The following MEIS2 variants were observed in gnomAD, a reference collection of about 807,000 sequenced individuals.
The protein encoded by MEIS2 is Meis homeobox 2.
In MEIS2, 9 loss-of-function variants were observed where a neutral mutation model predicts 58.6. That is an observed-to-expected ratio of 0.15 (90% CI 0.09 to 0.27). The LOEUF is 0.27. Among genes scored for constraint, MEIS2 ranks in the 10% least tolerant of loss-of-function variants. The probability of loss-of-function intolerance (pLI) is 1.00; values close to 1 mark genes in which losing one functional copy is unlikely to be tolerated. For synonymous variants in MEIS2, 221 were observed against 228.4 expected, an observed-to-expected ratio of 0.97 and a Z score of 0.29; for missense variants, 427 against 635.0, an observed-to-expected ratio of 0.67 and a Z score of 3.52.
chr15:37,088,961 T>G (rs1893208907), intron 6 of MEIS2, among the ~76,000 whole-genome samples: 1 of 152,212 alleles, frequency 6.6e-6, no homozygotes, highest in Non-Finnish European at 1.5e-5. Context: ...ATTACAACCT[T>G]TGTTTAATTT....
At chr15:36,997,489 CTTT>C (rs11286332) in intron 8 of MEIS2, among the ~76,000 whole-genome samples, 21 of 136,298 alleles carry the variant, frequency 1.5e-4, no homozygotes, top group Non-Finnish European at 1.8e-4. Context: ...CTCTCTCTCT[CTTT>C]TTTTTTTTTT....
At chr15:37,083,997 G>A in intron 6 of MEIS2, 112 bp from the exon 7 acceptor site, 1 of 808,772 alleles carries the variant, frequency 1.2e-6, no homozygotes, top group Non-Finnish European at 2.0e-6. Flanking sequence ...ATTAGTATTT[G>A]TGGCAGTAGG....
chr15:37,099,305 C>G, intron 1 of MEIS2, 150 bp downstream of exon 1: 1 of 1,527,586 alleles, frequency 6.5e-7, no homozygotes, highest in Non-Finnish European at 8.8e-7. Flanking sequence ...GGAAAGAAGC[C>G]GATGAATAAT....
intron 8 of MEIS2, among the ~76,000 whole-genome samples, chr15:36,988,137 G>C (rs1040588494): frequency 6.6e-6 from 1 of 152,026 alleles, no homozygotes; most frequent in African/African-American, 2.4e-5. Flanking sequence ...CAAAAACAAA[G>C]CAAAAATAAG....
intron 8 of MEIS2, among the ~76,000 whole-genome samples, chr15:37,033,455 A>C (rs1418117083): frequency 1.3e-5 from 2 of 152,172 alleles, no homozygotes; most frequent in African/African-American, 2.4e-5. Context: ...TTCTTTTTTA[A>C]AAAAGAAAGA....
At chr15:36,987,178 C>A (rs1027098774) in intron 8 of MEIS2, among the ~76,000 whole-genome samples, 3 of 151,922 alleles carry the variant, frequency 2.0e-5, no homozygotes, top group Non-Finnish European at 4.4e-5. Flanking sequence ...GAGGCCAAGG[C>A]GGGTGGATCA....
rs773155931 is a variant in MEIS2, at chr15:36,950,296, G to T, written c.977+28C>A. The stretch of plus-strand genomic sequence containing the variant: ...TAGAAATCTCATTTTAGCCATGGGA[G>T]AAAGACATTGATTTTTGGGTCACTC... On this transcript the variant is annotated intron_variant, in intron 9 of 11. Transcript: ENST00000561208. The T allele has an allele frequency of 9.6e-6, 15 of 1,561,216 alleles. No individual in the cohort carries two copies. In the Admixed American group the frequency reaches 2.4e-4, roughly 25 times the overall value.
intron 8 of MEIS2, among the ~76,000 whole-genome samples, chr15:36,963,603 T>G (rs1243681536): frequency 6.6e-6 from 1 of 152,214 alleles, no homozygotes; most frequent in Non-Finnish European, 1.5e-5. Context: ...GTCTTCATCT[T>G]CTTTCCAACC....
At chr15:36,922,816 C>T (rs2057575350) in intron 9 of MEIS2, among the ~76,000 whole-genome samples, 2 of 151,684 alleles carry the variant, frequency 1.3e-5, no homozygotes, top group Admixed American at 6.6e-5. Context: ...TGGGGTTTCA[C>T]CATGTTGATC....
At chr15:37,064,425 A>G (rs1567246079) in intron 7 of MEIS2, among the ~76,000 whole-genome samples, 1 of 152,124 alleles carries the variant, frequency 6.6e-6, no homozygotes, top group South Asian at 2.1e-4. Flanking sequence ...ACAAAAAACC[A>G]TATCACTTAT....
chr15:36,932,477 CAAG>C (rs1468856582), intron 9 of MEIS2, among the ~76,000 whole-genome samples: 2 of 151,940 alleles, frequency 1.3e-5, no homozygotes, highest in Non-Finnish European at 2.9e-5. Context: ...TTTCATCCAC[CAAG>C]AAAATGAGGA....
chr15:37,044,082 C>A (rs1454560603), intron 7 of MEIS2, among the ~76,000 whole-genome samples: 1 of 152,168 alleles, frequency 6.6e-6, no homozygotes, highest in Non-Finnish European at 1.5e-5. Flanking sequence ...CTTATTTAAT[C>A]TTCACAACAA....
intron 8 of MEIS2, among the ~76,000 whole-genome samples, chr15:37,028,706 C>G (rs1036887542): frequency 6.6e-6 from 1 of 152,124 alleles, no homozygotes; most frequent in Admixed American, 6.5e-5. Context: ...GCTCTTTGGA[C>G]AGCTAGCATC....
rs1320114699 is a variant in MEIS2 at position 36,892,091 on chromosome 15, TAA to T, written c.*80_*81del. ...ATCACAGCTGTCTGGAATTTCATAT[TAA>T]GTGTCAACATCTGGTCAAAGTTCAG... On this transcript the variant is annotated 3_prime_UTR_variant, in exon 12 of 12. Coordinates refer to ENST00000561208, the MANE Select transcript of MEIS2 (RefSeq NM_170675.5). The T allele has an allele frequency of 7.1e-7, 1 of 1,407,054 alleles. No homozygotes were observed. The highest frequency in any genetic ancestry group is 9.9e-7 in the Non-Finnish European group (1 of 1,009,804). The allele number at this position is 1,407,054 out of a possible 1,614,324, so 87.2% of individuals were successfully genotyped here. A position where few individuals can be genotyped will look rare whatever the true frequency, so the allele number is the denominator to read the frequency against.
chr15:36,902,921 T>C (rs1418069032), intron 9 of MEIS2, among the ~76,000 whole-genome samples: 1 of 152,204 alleles, frequency 6.6e-6, no homozygotes. Context: ...GATAGGAGAA[T>C]GGTAGATTTC....
intron 9 of MEIS2, among the ~76,000 whole-genome samples, chr15:36,930,338 G>A (rs1054010098): frequency 6.6e-6 from 1 of 151,806 alleles, no homozygotes; most frequent in Non-Finnish European, 1.5e-5. Context: ...ATAAAAAGGA[G>A]CTGCCAAAGT....
chr15:36,960,691 C>T (rs375438922), intron 8 of MEIS2, among the ~76,000 whole-genome samples: 4 of 152,086 alleles, frequency 2.6e-5, no homozygotes, highest in Admixed American at 1.3e-4. Context: ...GACACTTAGA[C>T]GAACACCCTA....
intron 8 of MEIS2, among the ~76,000 whole-genome samples, chr15:36,975,478 T>TA (rs1379186590): frequency 6.6e-6 from 1 of 151,202 alleles, no homozygotes; most frequent in Admixed American, 6.6e-5. Flanking sequence ...GGTTTTTTTT[T>TA]TTTTTTCAGA....
At chr15:36,935,803 T>C (rs1047252538) in intron 9 of MEIS2, among the ~76,000 whole-genome samples, 1 of 152,056 alleles carries the variant, frequency 6.6e-6, no homozygotes, top group Non-Finnish European at 1.5e-5. Flanking sequence ...TTTTTTTTTT[T>C]AAATAAAATT....
Sources: allele counts gnomAD v4.1 joint callset (sites outside exome capture counted in the v4.1 genomes callset), GRCh38; gene constraint gnomAD v4.1.1; transcripts MANE v1.5; gene names NCBI Gene and HGNC (gene_info 2026-07-23, HGNC 2026-07-21).